The following CELF2 variants were observed in gnomAD, a reference collection of about 807,000 sequenced individuals.
The protein encoded by CELF2 is CUGBP Elav-like family member 2, also known as CUG triplet repeat RNA-binding protein 2.
In CELF2, 8 loss-of-function variants were observed where a neutral mutation model predicts 62.6. The ratio of observed to expected loss-of-function variants is 0.13; its 90% CI spans 0.07 to 0.23. CELF2 has a LOEUF of 0.23. Ranked by LOEUF, CELF2 falls within the 10% of genes least tolerant of loss-of-function variation. The probability of loss-of-function intolerance (pLI) is 1.00; values close to 1 mark genes in which losing one functional copy is unlikely to be tolerated. For synonymous variants in CELF2, 258 were observed against 250.0 expected (o/e 1.03, Z -0.30); for missense variants, 333 against 671.0 (o/e 0.50, Z 5.56).
the CELF2 span, among the ~76,000 whole-genome samples, chr10:10,704,653 C>A: frequency 0.47 from 71,278 of 151,796 alleles, 17,026 homozygotes; most frequent in Non-Finnish European, 0.52. Flanking sequence ...GACGCATTAG[C>A]TGGGTAGTTG....
chr10:11,204,869 T>C (rs1016735042), intron 2 of CELF2, among the ~76,000 whole-genome samples: 4 of 152,316 alleles, frequency 2.6e-5, no homozygotes, highest in Admixed American at 1.3e-4. Flanking sequence ...TCTTCCTCTA[T>C]TGTTGCTGAG....
chr10:10,917,359 G>A (rs910060383), intron 1 of CELF2, among the ~76,000 whole-genome samples: 1 of 152,162 alleles, frequency 6.6e-6, no homozygotes, highest in African/African-American at 2.4e-5. Flanking sequence ...TTAAGAGACA[G>A]AATGTCACTC....
intron 2 of CELF2, among the ~76,000 whole-genome samples, chr10:11,189,819 A>G (rs1361590268): frequency 1.3e-5 from 2 of 152,238 alleles, no homozygotes; most frequent in African/African-American, 2.4e-5. Context: ...ATGGTATGCA[A>G]ACCTTTAGTG....
At chr10:10,486,010 G>A in the CELF2 span, among the ~76,000 whole-genome samples, 9 of 152,192 alleles carry the variant, frequency 5.9e-5, no homozygotes, top group Non-Finnish European at 1.2e-4. Context: ...TGAGTTAATT[G>A]CATGCATCAG....
chr10:11,309,128 AC>A lies in CELF2; in HGVS notation c.977-5010del, dbSNP rs2094433678. ...CCAAGTCTAACATCTGGGCCCTCTT[AC>A]GCACAGTTTCTGTTGTCTGCTGTCT... On this transcript the variant is annotated intron_variant, in intron 9 of 12. Transcript: ENST00000633077. The surrounding 1 kb of genome is among the most constrained non-coding windows in gnomAD (Gnocchi z 5.6). 6.6e-6 allele frequency among the ~76,000 whole-genome samples: 1 copy of A among 152,154 alleles called. No homozygotes were observed. The highest frequency in any genetic ancestry group is 6.5e-5 in the Admixed American group (1 of 15,270).
At chr10:10,824,539 C>G (rs1007502194) in intron 1 of CELF2, among the ~76,000 whole-genome samples, 1 of 152,192 alleles carries the variant, frequency 6.6e-6, no homozygotes, top group African/African-American at 2.4e-5. Flanking sequence ...GAGATTTTCC[C>G]CTTTCCCTGC....
At chr10:10,981,043 A>C (rs1347176066) in intron 2 of CELF2, among the ~76,000 whole-genome samples, 2 of 152,212 alleles carry the variant, frequency 1.3e-5, no homozygotes, top group Non-Finnish European at 1.5e-5. Flanking sequence ...GCAGGGGTCT[A>C]TGCATTAGGG....
chr10:10,739,820 C>T, the CELF2 span, among the ~76,000 whole-genome samples: 1 of 152,122 alleles, frequency 6.6e-6, no homozygotes, highest in Non-Finnish European at 1.5e-5. Flanking sequence ...TTGTGGTTTT[C>T]AGTTGAATTT....
At chr10:10,480,208 C>A in the CELF2 span, among the ~76,000 whole-genome samples, 13 of 152,194 alleles carry the variant, frequency 8.5e-5, no homozygotes, top group African/African-American at 3.1e-4. Flanking sequence ...CAGTAAAGAG[C>A]GTTTCTGTGA....
chr10:10,506,333 G>T, the CELF2 span, among the ~76,000 whole-genome samples: 1 of 149,860 alleles, frequency 6.7e-6, no homozygotes, highest in African/African-American at 2.5e-5. Flanking sequence ...GGTATGTGCC[G>T]ATAAATTATT....
chr10:11,087,785 G>A (rs1256937364), intron 1 of CELF2, among the ~76,000 whole-genome samples: 1 of 152,156 alleles, frequency 6.6e-6, no homozygotes, highest in Admixed American at 6.5e-5. Flanking sequence ...TCTTCTCCAG[G>A]CACCTAAAGT....
chr10:10,897,761 A>C (rs571578700), intron 1 of CELF2, among the ~76,000 whole-genome samples: 1 of 152,308 alleles, frequency 6.6e-6, no homozygotes, highest in African/African-American at 2.4e-5. Flanking sequence ...CAGCAGAAAC[A>C]CTGACCGCTT....
At chr10:10,621,850 C>G in the CELF2 span, among the ~76,000 whole-genome samples, 1 of 152,034 alleles carries the variant, frequency 6.6e-6, no homozygotes, top group Non-Finnish European at 1.5e-5. Context: ...ATGTAAGCAC[C>G]CTTCCACCAG....
At chr10:11,250,210 T>TGAAA (rs1183828601) in intron 4 of CELF2, among the ~76,000 whole-genome samples, 1 of 152,182 alleles carries the variant, frequency 6.6e-6, no homozygotes, top group Non-Finnish European at 1.5e-5. Context: ...TGTCAGAGCT[T>TGAAA]TCTTCTCTCA....
chr10:11,181,775 T>A (rs2073472137), intron 2 of CELF2, among the ~76,000 whole-genome samples: 1 of 152,232 alleles, frequency 6.6e-6, no homozygotes, highest in African/African-American at 2.4e-5. Flanking sequence ...TAGGACCTCA[T>A]CGAACTTAGT....
chr10:10,526,292 G>C, the CELF2 span, among the ~76,000 whole-genome samples: 5 of 152,250 alleles, frequency 3.3e-5, no homozygotes, highest in South Asian at 1.0e-3. Flanking sequence ...AAAAATTATG[G>C]ATTTATTGCA....
chr10:10,958,646 C>T (rs567681545), intron 2 of CELF2, among the ~76,000 whole-genome samples: 1 of 151,982 alleles, frequency 6.6e-6, no homozygotes, highest in Admixed American at 6.6e-5. Context: ...GCGTTCAAGA[C>T]CAGCCTGGGC....
the CELF2 span, among the ~76,000 whole-genome samples, chr10:10,568,234 C>CA: frequency 2.6e-5 from 4 of 151,046 alleles, no homozygotes; most frequent in Admixed American, 1.3e-4. Flanking sequence ...GACAAGATTC[C>CA]AAAAAGATAC....
At chr10:11,068,686 G>A (rs1411946872) in intron 1 of CELF2, among the ~76,000 whole-genome samples, 1 of 151,722 alleles carries the variant, frequency 6.6e-6, no homozygotes, top group Non-Finnish European at 1.5e-5. Context: ...TCAGCCTCCC[G>A]AGTAGCTGGG....
Sources: gnomAD v4.1 joint callset for allele counts (sites outside exome capture counted in the v4.1 genomes callset) on GRCh38, gnomAD v4.1.1 for gene constraint, Gnocchi (gnomAD v3.1) non-coding constraint, MANE v1.5 for transcripts, NCBI Gene and HGNC (gene_info 2026-07-23, HGNC 2026-07-21) for gene names.